The following PDE3B variants were observed in gnomAD, a reference collection of about 807,000 sequenced individuals.
PDE3B encodes cGMP-inhibited 3',5'-cyclic phosphodiesterase 3B.
A neutral mutation model predicts 116.8 loss-of-function variants in PDE3B; 66 were observed. The ratio of observed to expected loss-of-function variants is 0.56; its 90% CI spans 0.46 to 0.69. The LOEUF (loss-of-function observed/expected upper bound fraction) is 0.69. Among genes scored for constraint, PDE3B ranks in the 30% least tolerant of loss-of-function variants. The probability of loss-of-function intolerance (pLI) is 0.00; values close to 1 mark genes in which losing one functional copy is unlikely to be tolerated. For synonymous variants in PDE3B, 595 were observed against 533.6 expected, an observed-to-expected ratio of 1.12 and a Z score of -1.59; for missense variants, 1,384 against 1,368.1, an observed-to-expected ratio of 1.01 and a Z score of -0.18.
chr11:14,679,685 C>G lies in PDE3B; in HGVS notation c.978+34632C>G, dbSNP rs544313580. Among the ~76,000 whole-genome samples, 16 of 151,844 alleles carry G rather than the reference C, an allele frequency of 1.1e-4. No homozygotes were observed. In the East Asian group the frequency reaches 3.1e-3, roughly 30 times the overall value. Reference sequence around the variant, plus strand: ...GTCTTTTCTGCTTGTGGTTCCTGATCCCTACATGTGGAGCAGCTCAGGGCG... The same window carrying G: ...GTCTTTTCTGCTTGTGGTTCCTGATGCCTACATGTGGAGCAGCTCAGGGCG... On this transcript the variant is annotated intron_variant, in intron 1 of 15. Transcript: ENST00000282096.
chr11:14,694,265 C>T (rs1165983371), intron 1 of PDE3B, among the ~76,000 whole-genome samples: 1 of 152,164 alleles, frequency 6.6e-6, no homozygotes, highest in Non-Finnish European at 1.5e-5. Context: ...GTGGATAAAG[C>T]AGTGGCAGCA....
the PDE3B span, among the ~76,000 whole-genome samples, chr11:14,897,950 G>A: frequency 5.9e-5 from 9 of 152,054 alleles, no homozygotes; most frequent in African/African-American, 1.9e-4. Context: ...ATCATTTAAC[G>A]AGAAAGGCTC....
chr11:14,660,735 G>A (rs945788649), intron 1 of PDE3B, among the ~76,000 whole-genome samples: 6 of 152,172 alleles, frequency 3.9e-5, no homozygotes, highest in Middle Eastern at 3.4e-3. Flanking sequence ...TAGCTGCTTC[G>A]GGAGTGTGGC....
At chr11:14,855,077 G>A (rs144665981) in intron 12 of PDE3B, among the ~76,000 whole-genome samples, 2 of 152,056 alleles carry the variant, frequency 1.3e-5, no homozygotes, top group Non-Finnish European at 2.9e-5. Context: ...ATTACTGCAG[G>A]AAATTTTAAA....
At position 14,869,796 on chromosome 11, in the gene PDE3B, AG is replaced by A; in HGVS notation, c.*138del. On this transcript the variant is annotated 3_prime_UTR_variant, in exon 16 of 16. Transcript: ENST00000282096. ...TGTGGACAGGCCTTAATACTGTGAG[AG>A]GATCCTTGCTCTGCTGGCAGTTTCC... 1.5e-6 allele frequency: 1 copy of A among 658,816 alleles called. No individual in the cohort carries two copies. Among genetic ancestry groups the A allele is most frequent in the Non-Finnish European group, 2.5e-6 (1 of 393,014 alleles). The allele number at this position is 658,816 out of a possible 1,614,324, so 40.8% of individuals were successfully genotyped here.
At chr11:14,858,727 A>G (rs1347551043) in intron 12 of PDE3B, among the ~76,000 whole-genome samples, 1 of 152,212 alleles carries the variant, frequency 6.6e-6, no homozygotes, top group Non-Finnish European at 1.5e-5. Context: ...ATTAAATGAA[A>G]TAGACCTCAA....
chr11:14,725,261 T>TTCTTTC (rs1387768391), intron 1 of PDE3B, among the ~76,000 whole-genome samples: 14 of 146,370 alleles, frequency 9.6e-5, no homozygotes, highest in African/African-American at 3.6e-4. Flanking sequence ...CTTTCGTTCT[T>TTCTTTC]TCTTTCTCTT....
intron 4 of PDE3B, among the ~76,000 whole-genome samples, chr11:14,790,413 A>G (rs1858346291): frequency 2.0e-5 from 3 of 151,432 alleles, no homozygotes; most frequent in Admixed American, 6.6e-5. Flanking sequence ...TTTCTTAACT[A>G]TGGGTAGCAT....
intron 4 of PDE3B, among the ~76,000 whole-genome samples, chr11:14,800,565 C>G (rs1176141603): frequency 6.6e-6 from 1 of 152,190 alleles, no homozygotes; most frequent in Non-Finnish European, 1.5e-5. Flanking sequence ...GTAACCTGAG[C>G]TTTCTCTCTG....
Position 14,869,644 on chromosome 11 carries a change from C to CAGAT in PDE3B, c.3324_3327dup (p.Glu1110ArgfsTer2). ...GATGAGATTCAGGTAATTGAAGAGG[C>CAGAT]AGATGAAGAGGAATAGCGACAGTTT... is the stretch of plus-strand genomic sequence containing the variant. On this transcript the variant is annotated frameshift_variant, in exon 16 of 16. Coordinates refer to ENST00000282096, the MANE Select transcript of PDE3B (RefSeq NM_000922.4). LOFTEE classifies it high-confidence loss of function. The CAGAT allele has an allele frequency of 6.2e-7, 1 of 1,613,408 alleles. No homozygotes were observed. The highest frequency in any genetic ancestry group is 8.5e-7 in the Non-Finnish European group (1 of 1,179,648).
chr11:14,692,542 G>T (rs1431713130), intron 1 of PDE3B, among the ~76,000 whole-genome samples: 3 of 152,060 alleles, frequency 2.0e-5, no homozygotes, highest in Admixed American at 6.6e-5. Flanking sequence ...TCACATTTTG[G>T]TAATTCTTGC....
At chr11:14,650,185 A>G (rs1450739947) in intron 1 of PDE3B, among the ~76,000 whole-genome samples, 2 of 149,684 alleles carry the variant, frequency 1.3e-5, no homozygotes, top group African/African-American at 2.5e-5. Flanking sequence ...ATTTCATACA[A>G]CTTGCATTCA....
chr11:14,743,373 G>A (rs185700243), intron 1 of PDE3B, among the ~76,000 whole-genome samples: 84 of 152,260 alleles, frequency 5.5e-4, no homozygotes, highest in African/African-American at 1.8e-3. Context: ...GGGGAAAACC[G>A]CCTACTCAAG....
intron 1 of PDE3B, among the ~76,000 whole-genome samples, chr11:14,672,372 C>T (rs569020481): frequency 1.3e-5 from 2 of 152,106 alleles, no homozygotes; most frequent in African/African-American, 2.4e-5. Context: ...TAAAAAAATA[C>T]TTTCCCATAC....
At chr11:14,670,630 G>A (rs997944955) in intron 1 of PDE3B, among the ~76,000 whole-genome samples, 11 of 152,044 alleles carry the variant, frequency 7.2e-5, no homozygotes, top group African/African-American at 2.7e-4. Context: ...AAAACATCAA[G>A]GGGATGTTTT....
At chr11:14,805,843 A>G (rs2133936499) in intron 5 of PDE3B, among the ~76,000 whole-genome samples, 1 of 152,340 alleles carries the variant, frequency 6.6e-6, no homozygotes, top group Admixed American at 6.5e-5. Context: ...ATATGAATAG[A>G]CACTTCTCAA....
chr11:14,697,469 T>G (rs765042116), intron 1 of PDE3B, among the ~76,000 whole-genome samples: 1 of 152,152 alleles, frequency 6.6e-6, no homozygotes, highest in Non-Finnish European at 1.5e-5. Flanking sequence ...TTATGCATTC[T>G]TTGGTTGTTG....
Position 14,644,408 on chromosome 11 carries a change from G to A in PDE3B, c.333G>A (p.Leu111=), listed in dbSNP as rs767999531. The change falls in exon 1 of 16, where the codon CTG becomes CTA. Residue 111 remains leucine, a synonymous_variant. Transcript: ENST00000282096. ...CCGGGGCCGCCTGGCTGCGGACGCT[G>A]CTGAGCGTGTGTTCGCACAGCTTGA... The part of the protein sequence containing the change: ...WAAGAAWLRT[L]LSVCSHSLSP... 9 of 1,609,234 alleles carry A rather than the reference G, an allele frequency of 5.6e-6. No individual in the cohort carries two copies. The South Asian group carries it at 8.8e-5, about 16-fold the overall frequency.
chr11:14,892,319 C>G, the PDE3B span: 1 of 1,035,330 alleles, frequency 9.7e-7, no homozygotes, highest in Non-Finnish European at 1.4e-6. Context: ...AGCTCCGTGG[C>G]CATTGGCTGA....
Sources: gnomAD v4.1 joint callset for allele counts (sites outside exome capture counted in the v4.1 genomes callset) on GRCh38, gnomAD v4.1.1 for gene constraint, MANE v1.5 for transcripts, NCBI Gene and HGNC (gene_info 2026-07-23, HGNC 2026-07-21) for gene names.